The following P4HA1 variants were observed in gnomAD, a reference collection of about 807,000 sequenced individuals.
The protein encoded by P4HA1 is prolyl 4-hydroxylase subunit alpha 1, also known as prolyl 4-hydroxylase subunit alpha-1.
P4HA1 carries 24 observed loss-of-function variants against 72.8 expected under a neutral mutation model. That is an observed-to-expected ratio of 0.33 (90% CI 0.24 to 0.46). The LOEUF (loss-of-function observed/expected upper bound fraction) is 0.46. P4HA1 is among the 20% of genes least tolerant of loss of function. The pLI is 1.00. For missense variants in P4HA1, 446 were observed against 640.6 expected (o/e 0.70, Z 3.28); for synonymous variants, 201 against 218.8 (o/e 0.92, Z 0.72).
intron 5 of P4HA1, among the ~76,000 whole-genome samples, chr10:73,064,892 C>A (rs1841385545): frequency 6.6e-6 from 1 of 151,368 alleles, no homozygotes; most frequent in Non-Finnish European, 1.5e-5. Context: ...CTGAGAGAGA[C>A]ATCATCCGTT....
At position 73,096,305 on chromosome 10, in the gene P4HA1, A is replaced by T. The variant is rs558991610; in HGVS notation, c.-33+461T>A. On this transcript the variant is annotated intron_variant, in intron 1 of 14. Transcript: ENST00000394890. ...CTGCGGATCCAGCTCCAAGCCTTAA[A>T]ATCCGCTCTCCACCGCCACATGCGA... Among the ~76,000 whole-genome samples the T allele has an allele frequency of 1.9e-3, 284 of 152,210 alleles. 3 individuals are homozygous for T. The highest frequency in any genetic ancestry group is 6.5e-3 in the African/African-American group (269 of 41,528).
chr10:73,053,266 T>C (rs891227904), intron 6 of P4HA1, 85 bp downstream of exon 6: 69 of 1,292,280 alleles, frequency 5.3e-5, no homozygotes, highest in East Asian at 4.9e-4. Context: ...GAAAATACCA[T>C]ATATAAATGA....
intron 11 of P4HA1, among the ~76,000 whole-genome samples, chr10:73,015,229 C>T (rs564029617): frequency 1.3e-5 from 2 of 152,224 alleles, no homozygotes; most frequent in East Asian, 3.9e-4. Context: ...AATTAAAATA[C>T]AATACAACCT....
At chr10:73,078,246 CAA>C (rs1841746817) in intron 1 of P4HA1, among the ~76,000 whole-genome samples, 1 of 152,064 alleles carries the variant, frequency 6.6e-6, no homozygotes. Context: ...AAAAAATGCT[CAA>C]ACTTATTAGT....
At position 73,007,564 on chromosome 10, in the gene P4HA1, T is replaced by C. The variant is rs1254569946; in HGVS notation, c.*658A>G. 1.3e-5 allele frequency: 2 copies of C among 149,252 alleles called. No individual in the cohort carries two copies. Among genetic ancestry groups the C allele is most frequent in the African/African-American group, 2.5e-5 (1 of 39,490 alleles). 9.2% of individuals were successfully genotyped at this position (149,252 alleles called of 1,614,324 possible). A position where few individuals can be genotyped will look rare whatever the true frequency, so the allele number is the denominator to read the frequency against. On this transcript the variant is annotated 3_prime_UTR_variant, in exon 15 of 15. Transcript: ENST00000394890. ...TAGTTAAGAAGGCCCAGTGTTGTTA[T>C]GCAGGACTTTCCATTAAAAAAAAAA...
chr10:73,055,991 AT>A (rs1262352256), intron 5 of P4HA1, among the ~76,000 whole-genome samples: 1 of 152,254 alleles, frequency 6.6e-6, no homozygotes, highest in Non-Finnish European at 1.5e-5. Flanking sequence ...ATAACATTAA[AT>A]GGCAAAACCT....
intron 1 of P4HA1, among the ~76,000 whole-genome samples, chr10:73,096,286 A>G (rs904112028): frequency 6.6e-6 from 1 of 152,158 alleles, no homozygotes; most frequent in African/African-American, 2.4e-5. Flanking sequence ...CGCGCTGCGG[A>G]TCCAGCTCCA....
intron 10 of P4HA1, among the ~76,000 whole-genome samples, chr10:73,027,759 G>GGGAA (rs201478519): frequency 2.0e-4 from 28 of 143,256 alleles, no homozygotes; most frequent in South Asian, 4.6e-4. Flanking sequence ...AGGGAGGGAA[G>GGGAA]GGAAGGAAGG....
At chr10:73,066,461 A>G (rs755266090) in intron 5 of P4HA1, among the ~76,000 whole-genome samples, 6 of 152,162 alleles carry the variant, frequency 3.9e-5, no homozygotes, top group Non-Finnish European at 5.9e-5. Context: ...AGTAATCTAA[A>G]TAACATTTAT....
rs1842076429 is a variant in P4HA1 at position 73,093,301 on chromosome 10, A to C, written c.-33+3465T>G. Among the ~76,000 whole-genome samples, 5 of 152,282 alleles carry C rather than the reference A, an allele frequency of 3.3e-5. No individual in the cohort carries two copies. In the East Asian group the frequency reaches 9.6e-4, roughly 29 times the overall value. Reference sequence around the variant, plus strand: ...CTAGGTAAGAAGTCTGAATCTCTATAATGTATTTTTAGCAAATGTCAAATC... The same window carrying C: ...CTAGGTAAGAAGTCTGAATCTCTATCATGTATTTTTAGCAAATGTCAAATC... On this transcript the variant is annotated intron_variant, in intron 1 of 14. Transcript: ENST00000394890.
At chr10:73,062,972 CT>C (rs1010771875) in intron 5 of P4HA1, among the ~76,000 whole-genome samples, 4 of 144,358 alleles carry the variant, frequency 2.8e-5, no homozygotes, top group African/African-American at 5.6e-5. Flanking sequence ...TCTCCATTCA[CT>C]TTTTTTTTCT....
At chr10:73,021,430 C>T (rs1840132293) in intron 10 of P4HA1, among the ~76,000 whole-genome samples, 1 of 152,198 alleles carries the variant, frequency 6.6e-6, no homozygotes, top group South Asian at 2.1e-4. Flanking sequence ...TGTCCATCAA[C>T]AGATGAATGG....
At chr10:73,051,010 C>T (rs749154019) in intron 7 of P4HA1, 43 bp downstream of exon 7, 25 of 1,326,882 alleles carry the variant, frequency 1.9e-5, no homozygotes, top group Non-Finnish European at 2.5e-5. Flanking sequence ...CAAACACATA[C>T]ACACACACAT....
In P4HA1 at chr10:73,011,011, G is replaced by T. The variant is rs375936857; in HGVS notation, c.1395C>A (p.Ala465=). 5.0e-6 allele frequency: 8 copies of T among 1,613,482 alleles called. No homozygotes were observed. Among genetic ancestry groups the T allele is most frequent in the Non-Finnish European group, 5.9e-6 (7 of 1,179,662 alleles). The change falls in exon 13 of 15, where the codon GCC becomes GCA. Residue 465 remains alanine, a synonymous_variant. Transcript: ENST00000394890. ...FYMSDVSAGG[A]TVFPEVGASV... ...TAGCTCCAACTTCAGGAAAAACAGT[G>T]GCTCCTCCTGCAGACACATCACTCA...
Position 73,008,093 on chromosome 10 carries a change from G to A in P4HA1, c.*129C>T. The A allele has an allele frequency of 1.8e-6, 1 of 546,032 alleles. No individual in the cohort carries two copies. Among genetic ancestry groups the A allele is most frequent in the East Asian group, 2.7e-5 (1 of 36,898 alleles). 33.8% of individuals were successfully genotyped at this position (546,032 alleles called of 1,614,324 possible). A position where few individuals can be genotyped will look rare whatever the true frequency, so the allele number is the denominator to read the frequency against. ...AGCAATTGTCCACAGATGAAACATGGGATGAGGTTCATGACTGAATCAATC... is the reference window on the plus strand; with the variant it reads ...AGCAATTGTCCACAGATGAAACATGAGATGAGGTTCATGACTGAATCAATC... On this transcript the variant is annotated 3_prime_UTR_variant, in exon 15 of 15. Coordinates refer to ENST00000394890, the MANE Select transcript of P4HA1 (RefSeq NM_001017962.3).
chr10:73,013,885 T>C (rs553783602), intron 12 of P4HA1, among the ~76,000 whole-genome samples: 7 of 152,264 alleles, frequency 4.6e-5, no homozygotes, highest in African/African-American at 1.7e-4. Flanking sequence ...TTTACTGAAA[T>C]AATGTGTATG....
chr10:73,049,074 G>A (rs565360296), intron 7 of P4HA1, among the ~76,000 whole-genome samples: 7 of 151,644 alleles, frequency 4.6e-5, no homozygotes, highest in Non-Finnish European at 7.4e-5. Context: ...CCGAAATGGC[G>A]CCACTGCACT....
chr10:73,019,730 G>GAAAAAAAAAAAAAAA (rs3066045), intron 10 of P4HA1, among the ~76,000 whole-genome samples: 2 of 65,224 alleles, frequency 3.1e-5, no homozygotes, highest in African/African-American at 8.4e-5. Context: ...CTCTGTCTCA[G>GAAAAAAAAAAAAAAA]AAAAAAAAAA....
intron 9 of P4HA1, among the ~76,000 whole-genome samples, chr10:73,031,829 C>T (rs1283584235): frequency 2.6e-5 from 4 of 152,180 alleles, no homozygotes; most frequent in Non-Finnish European, 5.9e-5. Flanking sequence ...CCAAATTCAG[C>T]TATATCCCTT....
Sources: allele counts gnomAD v4.1 joint callset (sites outside exome capture counted in the v4.1 genomes callset), GRCh38; gene constraint gnomAD v4.1.1; transcripts MANE v1.5; gene names NCBI Gene and HGNC (gene_info 2026-07-23, HGNC 2026-07-21).